Variants in TNFRSF19 observed in about 807,000 individuals in gnomAD.
TNFRSF19 encodes the protein tumor necrosis factor receptor superfamily member 19.
Under a neutral mutation model 46.4 loss-of-function variants are expected in TNFRSF19, and 27 were observed. The ratio of observed to expected loss-of-function variants is 0.58; its 90% CI spans 0.43 to 0.80. The LOEUF (loss-of-function observed/expected upper bound fraction) is 0.80. Among genes scored for constraint, TNFRSF19 ranks in the 30% least tolerant of loss-of-function variants. TNFRSF19 has a pLI of 0.00. For synonymous variants in TNFRSF19, 204 were observed against 205.0 expected (o/e 1.00, Z 0.04); for missense variants, 511 against 530.8 (o/e 0.96, Z 0.37).
At chr13:23,624,754 T>A (rs568493694) in intron 4 of TNFRSF19, among the ~76,000 whole-genome samples, 1 of 144,164 alleles carries the variant, frequency 6.9e-6, no homozygotes, top group Non-Finnish European at 1.5e-5. Context: ...TACACATAAC[T>A]TTTTTTTTTT....
At chr13:23,579,422 C>CT (rs1878216636) in intron 1 of TNFRSF19, 1 of 112,496 alleles carries the variant, frequency 8.9e-6, no homozygotes, top group African/African-American at 3.2e-5. Context: ...GCACGCTGGA[C>CT]TGGACCCCCA....
rs757846297 is a variant in TNFRSF19 at position 23,659,508 on chromosome 13, G to A, written c.610+294G>A. ...CATCTTGTTTATTATATGTTTCTTT[G>A]TTTTTTTGTTTTTTTGGAGACAGAG... is the stretch of plus-strand genomic sequence containing the variant. On this transcript the variant is annotated intron_variant, in intron 6 of 9. Transcript: ENST00000248484. The surrounding 1 kb of genome is among the most constrained non-coding windows in gnomAD (Gnocchi z 4.9). Among the ~76,000 whole-genome samples the A allele has an allele frequency of 1.9e-4, 29 of 151,910 alleles. No individual in the cohort carries two copies. The highest frequency in any genetic ancestry group is 6.8e-4 in the African/African-American group (28 of 41,358).
At chr13:23,592,312 T>C (rs1184411501) in intron 2 of TNFRSF19, among the ~76,000 whole-genome samples, 1 of 152,144 alleles carries the variant, frequency 6.6e-6, no homozygotes, top group African/African-American at 2.4e-5. Context: ...TTCAGGGCAT[T>C]CTTGCTTAGG....
At position 23,641,546 on chromosome 13, in the gene TNFRSF19, G is replaced by A. The variant is rs577147349; in HGVS notation, c.445+14754G>A. Among the ~76,000 whole-genome samples, 197 of 152,232 alleles carry A rather than the reference G, an allele frequency of 1.3e-3. 2 individuals are homozygous for A. The highest frequency in any genetic ancestry group is 3.4e-3 in the African/African-American group (143 of 41,544). ...GGATTTCACCATGTTGGCCAGGCTG[G>A]TCTTGAACTCCTGACCTCAAGTGAT... On this transcript the variant is annotated intron_variant, in intron 5 of 9. Transcript: ENST00000248484.
intron 3 of TNFRSF19, 21 bp downstream of exon 3, chr13:23,593,476 A>G (rs761107368): frequency 1.3e-6 from 2 of 1,498,762 alleles, no homozygotes; most frequent in Non-Finnish European, 9.2e-7. Flanking sequence ...TACATGGCAA[A>G]GTTGTGTATC....
rs1235746043 is a variant in TNFRSF19 at position 23,659,917 on chromosome 13, C to T, written c.611-448C>T. 2.0e-5 allele frequency among the ~76,000 whole-genome samples: 3 copies of T among 152,062 alleles called. No homozygotes were observed. Among genetic ancestry groups the T allele is most frequent in the Admixed American group, 6.6e-5 (1 of 15,262 alleles). Reference sequence around the variant, plus strand: ...AGATTTACTCTTCATTAAGTGGAAGCGGATCATTGTAAAGGCCTTCATCCT... The same window carrying T: ...AGATTTACTCTTCATTAAGTGGAAGTGGATCATTGTAAAGGCCTTCATCCT... On this transcript the variant is annotated intron_variant, in intron 6 of 9. Coordinates refer to ENST00000248484, the MANE Select transcript of TNFRSF19 (RefSeq NM_148957.4). The surrounding 1 kb of genome is among the most constrained non-coding windows in gnomAD (Gnocchi z 4.9).
In TNFRSF19 at chr13:23,593,349, G is replaced by A. The variant is rs762647521; in HGVS notation, c.74G>A (p.Cys25Tyr). 13 of 1,559,964 alleles carry A rather than the reference G, an allele frequency of 8.3e-6. No homozygotes were observed. In the African/African-American group the frequency reaches 1.5e-4, roughly 18 times the overall value. ...TLLVLLGYLSCKVTCESGDCR... is the reference protein window; with the variant it reads ...TLLVLLGYLSYKVTCESGDCR... ...TTGTTAAATTTTTTTTTTCAGTCAT[G>A]TAAAGTGACTTGTGAATCAGGAGAC... Residue 25 changes from cysteine (C) to tyrosine (Y), a missense_variant, in exon 3 of 10, where the codon TGT becomes TAT. Cys to Tyr is a radical substitution (Grantham distance 194). Coordinates refer to ENST00000248484, the MANE Select transcript of TNFRSF19 (RefSeq NM_148957.4).
At chr13:23,634,719 G>A (rs1172852203) in intron 5 of TNFRSF19, among the ~76,000 whole-genome samples, 1 of 152,142 alleles carries the variant, frequency 6.6e-6, no homozygotes, top group African/African-American at 2.4e-5. Flanking sequence ...CAAAGTTCAG[G>A]CTCTATCACT....
intron 5 of TNFRSF19, among the ~76,000 whole-genome samples, chr13:23,639,701 G>GT (rs1882914472): frequency 6.6e-6 from 1 of 152,246 alleles, no homozygotes; most frequent in South Asian, 2.1e-4. Flanking sequence ...CAGCAGGGCA[G>GT]TGGTCTGCGT....
At chr13:23,600,785 A>G (rs758373004) in intron 3 of TNFRSF19, among the ~76,000 whole-genome samples, 34 of 152,200 alleles carry the variant, frequency 2.2e-4, no homozygotes, top group Non-Finnish European at 4.1e-4. Flanking sequence ...AGGCCTGCAC[A>G]GGACTATGGA....
chr13:23,653,787 G>T (rs1883799230), intron 5 of TNFRSF19, among the ~76,000 whole-genome samples: 1 of 152,220 alleles, frequency 6.6e-6, no homozygotes, highest in East Asian at 1.9e-4. Context: ...AGACTGGAAA[G>T]AAAATTTCAG....
chr13:23,669,533 G>A, intron 9 of TNFRSF19: 1 of 985,258 alleles, frequency 1.0e-6, no homozygotes, highest in Non-Finnish European at 1.2e-6. Flanking sequence ...GTCTCCTAAA[G>A]CTGCTCTTTT....
In TNFRSF19 at chr13:23,626,753, G is replaced by A. The variant is rs750816117; in HGVS notation, c.406G>A (p.Val136Met). The change falls in exon 5 of 10, where the codon GTG (valine) becomes ATG (methionine). Residue 136 changes from valine (V) to methionine (M), a missense_variant. By Grantham distance (21) the Val-to-Met change is conservative. Transcript: ENST00000248484. ...TGTCGGCTTTCAAGACATGGAGTGT[G>A]TGCCTTGTGGAGACCCTCCTCCTCC... ...KLVGFQDMECVPCGDPPPPYE... is the reference protein window; with the variant it reads ...KLVGFQDMECMPCGDPPPPYE... The A allele has an allele frequency of 6.2e-7, 1 of 1,614,086 alleles. No homozygotes were observed. The highest frequency in any genetic ancestry group is 8.5e-7 in the Non-Finnish European group (1 of 1,180,038).
intron 1 of TNFRSF19, among the ~76,000 whole-genome samples, chr13:23,581,857 A>G (rs1878460086): frequency 2.0e-5 from 3 of 152,240 alleles, no homozygotes; most frequent in African/African-American, 7.2e-5. Flanking sequence ...TAGTAGGTGA[A>G]AAAAGCCAAA....
At chr13:23,635,726 G>GA (rs1345489731) in intron 5 of TNFRSF19, among the ~76,000 whole-genome samples, 1 of 152,110 alleles carries the variant, frequency 6.6e-6, no homozygotes, top group African/African-American at 2.4e-5. Flanking sequence ...TTATCTCAGA[G>GA]AAAATATTTT....
At chr13:23,655,358 G>C (rs1212575802) in intron 5 of TNFRSF19, among the ~76,000 whole-genome samples, 1 of 152,140 alleles carries the variant, frequency 6.6e-6, no homozygotes, top group Non-Finnish European at 1.5e-5. Flanking sequence ...ATTGCTAAAG[G>C]GTAGTGCTAA....
At chr13:23,633,279 G>GT (rs1334059907) in intron 5 of TNFRSF19, among the ~76,000 whole-genome samples, 1 of 152,116 alleles carries the variant, frequency 6.6e-6, no homozygotes. Flanking sequence ...TGGCTGGCTA[G>GT]TTTTTGTGTT....
intron 7 of TNFRSF19, among the ~76,000 whole-genome samples, chr13:23,662,940 T>TATA (rs1884462341): frequency 6.6e-6 from 1 of 152,214 alleles, no homozygotes; most frequent in Non-Finnish European, 1.5e-5. Flanking sequence ...GTTTTCTAGA[T>TATA]ATAGAATCAT....
In TNFRSF19 at chr13:23,674,182, G is replaced by T. The variant is rs972451701; in HGVS notation, c.*802G>T. On this transcript the variant is annotated 3_prime_UTR_variant, in exon 10 of 10. Transcript: ENST00000248484. Reference sequence around the variant, plus strand: ...GGTTGGCATATTTATATGAAAATTAGTTGCTATAGAAACATTTGTTGCATC... The same window carrying T: ...GGTTGGCATATTTATATGAAAATTATTTGCTATAGAAACATTTGTTGCATC... The T allele has an allele frequency of 2.0e-5, 3 of 152,206 alleles. No homozygotes were observed. Among genetic ancestry groups the T allele is most frequent in the African/African-American group, 7.2e-5 (3 of 41,448 alleles). 9.4% of individuals were successfully genotyped at this position (152,206 alleles called of 1,614,324 possible). A position where few individuals can be genotyped will look rare whatever the true frequency, so the allele number is the denominator to read the frequency against.
Sources: gnomAD v4.1 joint callset for allele counts (sites outside exome capture counted in the v4.1 genomes callset) on GRCh38, gnomAD v4.1.1 for gene constraint, Gnocchi (gnomAD v3.1) non-coding constraint, MANE v1.5 for transcripts, NCBI Gene and HGNC (gene_info 2026-07-23, HGNC 2026-07-21) for gene names.